The following CREB5 variants were observed in gnomAD, a reference collection of about 807,000 sequenced individuals.
The protein encoded by CREB5 is cyclic AMP-responsive element-binding protein 5.
A neutral mutation model predicts 57.1 loss-of-function variants in CREB5; 19 were observed. That is an observed-to-expected ratio of 0.33 (90% CI 0.23 to 0.49). CREB5 has a LOEUF of 0.49. Among genes scored for constraint, CREB5 ranks in the 20% least tolerant of loss-of-function variants. The pLI, the probability that CREB5 is intolerant of heterozygous loss-of-function variation, is 0.99. For synonymous variants in CREB5, 238 were observed against 238.3 expected, an observed-to-expected ratio of 1.00 and a Z score of 0.01; for missense variants, 579 against 671.6, an observed-to-expected ratio of 0.86 and a Z score of 1.52.
chr7:28,418,692 G>A (rs1010986343), intron 1 of CREB5, among the ~76,000 whole-genome samples: 24 of 152,184 alleles, frequency 1.6e-4, no homozygotes, highest in African/African-American at 5.8e-4. Flanking sequence ...AAGAATGTTA[G>A]CTTTCATTTA....
At chr7:28,643,540 C>T (rs1193903018) in intron 5 of CREB5, among the ~76,000 whole-genome samples, 1 of 152,088 alleles carries the variant, frequency 6.6e-6, no homozygotes, top group Non-Finnish European at 1.5e-5. Context: ...ACTATGTGAC[C>T]TAGGTTATTT....
intron 7 of CREB5, among the ~76,000 whole-genome samples, chr7:28,737,596 T>A (rs1490096511): frequency 7.4e-6 from 1 of 135,206 alleles, no homozygotes; most frequent in Admixed American, 7.7e-5. Flanking sequence ...TATTTTTAAC[T>A]CCTGTTTCAA....
chr7:28,714,097 G>A (rs1050599285), intron 5 of CREB5, among the ~76,000 whole-genome samples: 1 of 151,938 alleles, frequency 6.6e-6, no homozygotes, highest in Non-Finnish European at 1.5e-5. Context: ...TCTCACCTCA[G>A]CCTCCAAGCA....
intron 7 of CREB5, among the ~76,000 whole-genome samples, chr7:28,797,182 T>C (rs1209979655): frequency 6.6e-6 from 1 of 152,222 alleles, no homozygotes; most frequent in Non-Finnish European, 1.5e-5. Context: ...AAGTGCAATG[T>C]ATCACCTAGC....
At chr7:28,463,846 T>C (rs73075874) in intron 1 of CREB5, among the ~76,000 whole-genome samples, 10,567 of 152,260 alleles carry the variant, frequency 0.069, 605 homozygotes, top group African/African-American at 0.15. Context: ...TTCTTCCATA[T>C]ACAAGAATAT....
chr7:28,405,672 C>T (rs1244331186), intron 1 of CREB5, among the ~76,000 whole-genome samples: 1 of 152,172 alleles, frequency 6.6e-6, no homozygotes, highest in Non-Finnish European at 1.5e-5. Flanking sequence ...CCGTCTCAGC[C>T]TCCCAAAGAG....
chr7:28,397,844 C>T (rs1184941874), intron 1 of CREB5, among the ~76,000 whole-genome samples: 1 of 152,146 alleles, frequency 6.6e-6, no homozygotes, highest in African/African-American at 2.4e-5. Context: ...CAGATCAGTG[C>T]ACTGCAGCAT....
intron 1 of CREB5, among the ~76,000 whole-genome samples, chr7:28,375,197 A>G (rs1786796970): frequency 6.6e-6 from 1 of 152,180 alleles, no homozygotes; most frequent in Non-Finnish European, 1.5e-5. Flanking sequence ...GACATCTAAG[A>G]TTTTGTTCTG....
chr7:28,690,461 CAG>C (rs1405638437), intron 5 of CREB5, among the ~76,000 whole-genome samples: 16 of 152,316 alleles, frequency 1.1e-4, no homozygotes, highest in Non-Finnish European at 1.9e-4. Context: ...CATTGCCAGT[CAG>C]AGAAGCAGGG....
At chr7:28,664,997 A>T (rs762744405) in intron 5 of CREB5, among the ~76,000 whole-genome samples, 1 of 152,214 alleles carries the variant, frequency 6.6e-6, no homozygotes, top group Non-Finnish European at 1.5e-5. Context: ...ATCATAATTC[A>T]AAACCACAGG....
At chr7:28,632,613 C>T (rs550994655) in intron 5 of CREB5, among the ~76,000 whole-genome samples, 3 of 152,140 alleles carry the variant, frequency 2.0e-5, no homozygotes, top group African/African-American at 2.4e-5. Context: ...CAGGAAGGAC[C>T]TATTGTCCTG....
chr7:28,696,187 T>C (rs1801547353), intron 5 of CREB5, among the ~76,000 whole-genome samples: 1 of 151,144 alleles, frequency 6.6e-6, no homozygotes. Flanking sequence ...TGTGTGGAGA[T>C]GAACTATTGT....
intron 3 of CREB5, among the ~76,000 whole-genome samples, chr7:28,502,078 G>A (rs921176877): frequency 8.5e-5 from 13 of 152,130 alleles, no homozygotes; most frequent in African/African-American, 3.1e-4. Context: ...AACCAGGTCT[G>A]CCTTGGTTTG....
chr7:28,338,408 GT>G (rs1472981092), intron 1 of CREB5, among the ~76,000 whole-genome samples: 2 of 152,078 alleles, frequency 1.3e-5, no homozygotes, highest in South Asian at 2.1e-4. Context: ...CAGGGAAAAA[GT>G]TTTTTTCCTT....
chr7:28,560,845 C>CGTGCGCGTGCGTGTGCGT (rs1396686194), intron 4 of CREB5, among the ~76,000 whole-genome samples: 1 of 41,320 alleles, frequency 2.4e-5, no homozygotes, highest in Admixed American at 2.3e-4. Flanking sequence ...TGTGTGTGTG[C>CGTGCGCGTGCGTGTGCGT]GCGTGTGTGT....
chr7:28,712,623 T>A (rs1226896654), intron 5 of CREB5, among the ~76,000 whole-genome samples: 5 of 149,668 alleles, frequency 3.3e-5, no homozygotes, highest in Non-Finnish European at 5.9e-5. Flanking sequence ...AGCCTCCACC[T>A]CTTGGGTTCA....
intron 7 of CREB5, among the ~76,000 whole-genome samples, chr7:28,743,860 T>TA (rs1804532835): frequency 6.9e-6 from 1 of 144,156 alleles, no homozygotes; most frequent in East Asian, 2.0e-4. Context: ...TTTTTTTTTT[T>TA]TTATTATACT....
At chr7:28,786,128 C>CCTTT (rs1807310350) in intron 7 of CREB5, among the ~76,000 whole-genome samples, 3 of 152,134 alleles carry the variant, frequency 2.0e-5, no homozygotes, top group African/African-American at 7.2e-5. Context: ...ATTTTACAGG[C>CCTTT]CTTTCTCCCC....
intron 5 of CREB5, among the ~76,000 whole-genome samples, chr7:28,658,953 G>GTATGTATATA: frequency 1.0e-5 from 1 of 99,584 alleles, no homozygotes; most frequent in Non-Finnish European, 2.3e-5. Flanking sequence ...GTGTGTGTGT[G>GTATGTATATA]TATATATATA....
Sources: gnomAD v4.1 joint callset for allele counts (sites outside exome capture counted in the v4.1 genomes callset) on GRCh38, gnomAD v4.1.1 for gene constraint, MANE v1.5 for transcripts, NCBI Gene and HGNC (gene_info 2026-07-23, HGNC 2026-07-21) for gene names.